Variants in EFCAB6 observed in about 807,000 individuals in gnomAD.
EFCAB6 encodes the protein EF-hand calcium-binding domain-containing protein 6.
EFCAB6 carries 156 observed loss-of-function variants against 169.8 expected under a neutral mutation model. That is an observed-to-expected ratio of 0.92 (90% confidence interval 0.81 to 1.05). EFCAB6 has a LOEUF of 1.05. Among genes scored for constraint, EFCAB6 ranks in the 50% least tolerant of loss-of-function variants. EFCAB6 has a pLI of 0.00. For synonymous variants in EFCAB6, 698 were observed against 676.4 expected, an observed-to-expected ratio of 1.03 and a Z score of -0.50; for missense variants, 1,800 against 1,829.1, an observed-to-expected ratio of 0.98 and a Z score of 0.29.
At chr22:43,796,736 T>C (rs2062522924) in intron 2 of EFCAB6, among the ~76,000 whole-genome samples, 1 of 152,200 alleles carries the variant, frequency 6.6e-6, no homozygotes, top group Admixed American at 6.5e-5. Flanking sequence ...ATCCTATTTA[T>C]AGTCAAGCCA....
intron 8 of EFCAB6, among the ~76,000 whole-genome samples, chr22:43,730,350 T>C (rs1279762308): frequency 6.8e-6 from 1 of 146,742 alleles, no homozygotes; most frequent in Non-Finnish European, 1.5e-5. Flanking sequence ...AAATCATCCA[T>C]AAGAGAAAAA....
chr22:43,580,485 G>A lies in EFCAB6; in HGVS notation c.3207C>T (p.Ser1069=), dbSNP rs1327412604. The change falls in exon 25 of 32, where the codon TCC becomes TCT. Residue 1069 remains serine (S), a synonymous_variant. Coordinates refer to ENST00000262726, the MANE Select transcript of EFCAB6 (RefSeq NM_022785.4). ...AVRKIQEVVE[S]SQLALSTAFS... ...ATACCGTGGACAAAGCCAGCTGGGAGGACTCAACTACTTCCTGGATCTTCC... is the reference window on the plus strand; with the variant it reads ...ATACCGTGGACAAAGCCAGCTGGGAAGACTCAACTACTTCCTGGATCTTCC... 1 of 1,614,090 alleles carries A rather than the reference G, an allele frequency of 6.2e-7. No individual in the cohort carries two copies. Among genetic ancestry groups the A allele is most frequent in the Non-Finnish European group, 8.5e-7 (1 of 1,180,018 alleles).
intron 6 of EFCAB6, among the ~76,000 whole-genome samples, chr22:43,738,446 C>G (rs960791798): frequency 1.3e-5 from 2 of 151,762 alleles, no homozygotes; most frequent in African/African-American, 4.8e-5. Flanking sequence ...TGCACATATA[C>G]TCACATACAC....
At chr22:43,728,859 G>C (rs1326931448) in intron 8 of EFCAB6, among the ~76,000 whole-genome samples, 1 of 152,178 alleles carries the variant, frequency 6.6e-6, no homozygotes, top group South Asian at 2.1e-4. Flanking sequence ...TCTGTAGGTT[G>C]CCTGTTTACT....
intron 12 of EFCAB6, among the ~76,000 whole-genome samples, chr22:43,682,802 T>C (rs1247930974): frequency 6.6e-6 from 1 of 152,194 alleles, no homozygotes; most frequent in Non-Finnish European, 1.5e-5. Flanking sequence ...CACTCAACAT[T>C]ATTGTTCATT....
At chr22:43,746,191 G>A (rs1032392803) in intron 6 of EFCAB6, among the ~76,000 whole-genome samples, 2 of 152,212 alleles carry the variant, frequency 1.3e-5, no homozygotes, top group Admixed American at 6.5e-5. Context: ...CTGGGCTGAT[G>A]CTCTCATTGC....
intron 6 of EFCAB6, among the ~76,000 whole-genome samples, chr22:43,742,031 T>G (rs2147751143): frequency 6.6e-6 from 1 of 152,204 alleles, no homozygotes; most frequent in East Asian, 1.9e-4. Context: ...TCCCTGCTTC[T>G]TGCAGCCTCC....
At chr22:43,670,866 G>A (rs749005264) in intron 15 of EFCAB6, among the ~76,000 whole-genome samples, 8 of 151,270 alleles carry the variant, frequency 5.3e-5, no homozygotes, top group Non-Finnish European at 1.0e-4. Context: ...GCTGAGACCA[G>A]CAGCAGCAGC....
At chr22:43,623,737 T>C (rs891444433) in intron 20 of EFCAB6, among the ~76,000 whole-genome samples, 3 of 38,020 alleles carry the variant, frequency 7.9e-5, no homozygotes, top group African/African-American at 3.6e-4. Context: ...CTACTAAAAA[T>C]ACAAAAAAAA....
intron 8 of EFCAB6, among the ~76,000 whole-genome samples, chr22:43,718,594 C>T (rs1374176811): frequency 6.6e-6 from 1 of 152,098 alleles, no homozygotes; most frequent in African/African-American, 2.4e-5. Context: ...ACCAAACTGG[C>T]CAACGTGGTG....
intron 20 of EFCAB6, among the ~76,000 whole-genome samples, chr22:43,621,196 C>G (rs1411246028): frequency 6.6e-6 from 1 of 151,732 alleles, no homozygotes; most frequent in East Asian, 1.9e-4. Flanking sequence ...TCAAGCAATT[C>G]TCCTGTCTCA....
At chr22:43,734,254 C>G (rs993069238) in intron 7 of EFCAB6, among the ~76,000 whole-genome samples, 6 of 152,196 alleles carry the variant, frequency 3.9e-5, no homozygotes, top group African/African-American at 1.4e-4. Flanking sequence ...ACTGAAGCAG[C>G]TTCTCCAGGA....
intron 26 of EFCAB6, among the ~76,000 whole-genome samples, chr22:43,558,834 G>A (rs2048859199): frequency 6.6e-6 from 1 of 152,148 alleles, no homozygotes; most frequent in Non-Finnish European, 1.5e-5. Context: ...ACTTTTATAT[G>A]CATCAGTAAA....
intron 6 of EFCAB6, among the ~76,000 whole-genome samples, chr22:43,738,477 A>G (rs527807601): frequency 4.8e-4 from 72 of 151,238 alleles, no homozygotes; most frequent in Middle Eastern, 3.4e-3. Flanking sequence ...ACACACATAT[A>G]TTCACACACA....
In EFCAB6 at chr22:43,784,602, CATAT is replaced by C. The variant is rs1164220503; in HGVS notation, c.-7-2281_-7-2278del. The stretch of plus-strand genomic sequence containing the variant: ...ATACACATATATATGTATATATACA[CATAT>C]ATATGTGTATATATACACATATATA... On this transcript the variant is annotated intron_variant, in intron 2 of 31. Coordinates refer to ENST00000262726, the MANE Select transcript of EFCAB6 (RefSeq NM_022785.4). Among the ~76,000 whole-genome samples, 742 of 87,468 alleles carry C rather than the reference CATAT, an allele frequency of 8.5e-3. 38 individuals carry two copies. The highest frequency in any genetic ancestry group is 0.032 in the African/African-American group (714 of 22,502). 57.4% of individuals were successfully genotyped at this position (87,468 alleles called of 152,430 possible).
chr22:43,664,417 G>A (rs961494553), intron 17 of EFCAB6, among the ~76,000 whole-genome samples: 1 of 152,198 alleles, frequency 6.6e-6, no homozygotes, highest in Admixed American at 6.5e-5. Context: ...TTTTATAATA[G>A]GGGAGGGCAA....
At chr22:43,774,526 G>A (rs564214170) in intron 3 of EFCAB6, among the ~76,000 whole-genome samples, 2 of 151,722 alleles carry the variant, frequency 1.3e-5, no homozygotes, top group South Asian at 4.2e-4. Flanking sequence ...GGCCTGTGCC[G>A]GGGGCTGGGG....
At chr22:43,606,259 T>C (rs1360327190) in intron 22 of EFCAB6, among the ~76,000 whole-genome samples, 2 of 152,216 alleles carry the variant, frequency 1.3e-5, no homozygotes, top group African/African-American at 4.8e-5. Context: ...CCTTCAGAGG[T>C]CCTGACAGGG....
intron 18 of EFCAB6, among the ~76,000 whole-genome samples, chr22:43,633,545 T>A (rs2147901701): frequency 6.6e-6 from 1 of 151,504 alleles, no homozygotes; most frequent in East Asian, 2.0e-4. Context: ...AGACTCCATC[T>A]CAAAAATCAA....
Sources: allele counts gnomAD v4.1 joint callset (sites outside exome capture counted in the v4.1 genomes callset), GRCh38; gene constraint gnomAD v4.1.1; transcripts MANE v1.5; gene names NCBI Gene and HGNC (gene_info 2026-07-23, HGNC 2026-07-21).